MAP3K21: variants seen among roughly 807,000 people sequenced by gnomAD.
MAP3K21 encodes mitogen-activated protein kinase kinase kinase 21, also known as mitogen-activated protein kinase kinase kinase MLK4.
In MAP3K21, 63 loss-of-function variants were observed where a neutral mutation model predicts 86.1. That is an observed-to-expected ratio of 0.73 (90% CI 0.60 to 0.90). MAP3K21 has a LOEUF of 0.90. Among genes scored for constraint, MAP3K21 ranks in the 40% least tolerant of loss-of-function variants. The pLI, the probability that MAP3K21 is intolerant of heterozygous loss-of-function variation, is 0.00. For missense variants in MAP3K21, 1,220 were observed against 1,367.7 expected, an observed-to-expected ratio of 0.89 and a Z score of 1.70; for synonymous variants, 558 against 564.8, an observed-to-expected ratio of 0.99 and a Z score of 0.17.
intron 3 of MAP3K21, 43 bp from the exon 4 acceptor site, chr1:233,354,791 AAC>A (rs759126254): frequency 2.0e-5 from 29 of 1,429,488 alleles, no homozygotes; most frequent in East Asian, 2.5e-5. Context: ...AGCAACTCTA[AAC>A]TGCGTTGAGA....
chr1:233,351,867 T>C (rs1663258806), intron 2 of MAP3K21, among the ~76,000 whole-genome samples: 2 of 152,182 alleles, frequency 1.3e-5, no homozygotes, highest in Admixed American at 1.3e-4. Flanking sequence ...CAAATATGAC[T>C]GTTCCTTTTA....
At chr1:233,371,597 T>C (rs1663681200) in intron 5 of MAP3K21, among the ~76,000 whole-genome samples, 1 of 152,194 alleles carries the variant, frequency 6.6e-6, no homozygotes, top group South Asian at 2.1e-4. Flanking sequence ...TAGCCTCAAG[T>C]GATCTGCCCA....
At chr1:233,339,341 CCCT>C (rs1558451078) in intron 1 of MAP3K21, among the ~76,000 whole-genome samples, 71 of 108,230 alleles carry the variant, frequency 6.6e-4, no homozygotes, top group Non-Finnish European at 7.6e-4. Flanking sequence ...CTCTTCTTCT[CCCT>C]CTTCTCCCTC....
Position 233,379,159 on chromosome 1 carries a change from A to G in MAP3K21, c.2153A>G (p.Lys718Arg). ...NSLSRSPQRKKTESALYGCTV... is the reference protein window; with the variant it reads ...NSLSRSPQRKRTESALYGCTV... ...CTGAGTAGATCCCCCCAGAGAAAGA[A>G]AACGGAGTCAGCTCTGTATGGGTGC... Residue 718 changes from lysine (K) to arginine (R), a missense_variant, in exon 9 of 10, where the codon AAA becomes AGA. Physicochemically the swap from Lys to Arg is conservative, Grantham distance 26. Around this residue, in one of 5 missense-constraint regions of MAP3K21, gnomAD observed 632 missense variants for 691.3 expected, o/e 0.91. Coordinates refer to ENST00000366624, the MANE Select transcript of MAP3K21 (RefSeq NM_032435.3). The G allele has an allele frequency of 6.2e-7, 1 of 1,614,240 alleles. No homozygotes were observed. The highest frequency in any genetic ancestry group is 8.5e-7 in the Non-Finnish European group (1 of 1,180,036).
chr1:233,375,310 A>G lies in MAP3K21; in HGVS notation c.1676-606A>G, dbSNP rs1663771844. On this transcript the variant is annotated intron_variant, in intron 6 of 9. Transcript: ENST00000366624. ...AAGTGTTTAGCAAAATGTGGATATT[A>G]AAGAGGAATATACATCGTCCTGTGA... 2.6e-5 allele frequency among the ~76,000 whole-genome samples: 4 copies of G among 152,168 alleles called. No individual in the cohort carries two copies. In the South Asian group the frequency reaches 8.3e-4, roughly 31 times the overall value.
At chr1:233,372,546 T>G (rs1303015193) in intron 6 of MAP3K21, 8 of 234,880 alleles carry the variant, frequency 3.4e-5, no homozygotes, top group Non-Finnish European at 4.9e-5. Flanking sequence ...GTTTCTTTCT[T>G]TGTTTCGTGA....
rs1398470645 is a variant in MAP3K21 at position 233,378,159 on chromosome 1, A to G, written c.1925-772A>G. Among the ~76,000 whole-genome samples the G allele has an allele frequency of 3.9e-5, 6 of 152,222 alleles. 1 individual carries two copies. Among genetic ancestry groups the G allele is most frequent in the Admixed American group, 3.9e-4 (6 of 15,286 alleles). On this transcript the variant is annotated intron_variant, in intron 8 of 9. Transcript: ENST00000366624. The stretch of plus-strand genomic sequence containing the variant: ...AGCATGTTTAGGTATACTAGGATGT[A>G]GTGTTGGAAAAAATTAGAGATGTTA...
chr1:233,333,070 T>C (rs534975758), intron 1 of MAP3K21, among the ~76,000 whole-genome samples: 10 of 152,340 alleles, frequency 6.6e-5, no homozygotes, highest in African/African-American at 2.4e-4. Flanking sequence ...AAAAGGAATA[T>C]AAATTTTGTT....
intron 2 of MAP3K21, among the ~76,000 whole-genome samples, chr1:233,351,981 C>G (rs571859769): frequency 2.5e-4 from 38 of 152,224 alleles, no homozygotes; most frequent in African/African-American, 8.4e-4. Context: ...CTCATCCACA[C>G]GGGCCCAAGT....
chr1:233,356,567 T>C (rs1381511419), intron 4 of MAP3K21, among the ~76,000 whole-genome samples: 5 of 152,216 alleles, frequency 3.3e-5, no homozygotes, highest in Non-Finnish European at 7.3e-5. Context: ...TAGAGGCATA[T>C]GACTCAGCTG....
chr1:233,361,985 A>G, intron 4 of MAP3K21, 68 bp from the exon 5 acceptor site: 3 of 1,556,934 alleles, frequency 1.9e-6, no homozygotes, highest in Non-Finnish European at 2.6e-6. Context: ...TCGCCAGTGT[A>G]GTGTAATAGA....
At chr1:233,333,652 G>A (rs1662854798) in intron 1 of MAP3K21, among the ~76,000 whole-genome samples, 1 of 152,028 alleles carries the variant, frequency 6.6e-6, no homozygotes, top group Non-Finnish European at 1.5e-5. Flanking sequence ...GGTATAGCTA[G>A]TTAGTTCTGA....
chr1:233,361,242 T>C lies in MAP3K21; in HGVS notation c.1312-811T>C, dbSNP rs577064665. Among the ~76,000 whole-genome samples the C allele has an allele frequency of 3.9e-5, 6 of 152,364 alleles. No homozygotes were observed. The East Asian group carries it at 1.2e-3, about 29-fold the overall frequency. On this transcript the variant is annotated intron_variant, in intron 4 of 9. Transcript: ENST00000366624. ...AAAAGTATTTTTAATTCTTAGATTT[T>C]CTCTTTCTTAGAAGTTCAGTACTTC...
intron 5 of MAP3K21, among the ~76,000 whole-genome samples, chr1:233,369,188 C>A (rs1462482589): frequency 1.6e-5 from 2 of 127,894 alleles, no homozygotes; most frequent in African/African-American, 6.1e-5. Context: ...CCAGCCTGGG[C>A]AACACGGTGA....
intron 4 of MAP3K21, among the ~76,000 whole-genome samples, chr1:233,360,203 A>T (rs1663440901): frequency 6.6e-6 from 1 of 152,228 alleles, no homozygotes. Flanking sequence ...AGGTGACTGG[A>T]AATTATCCTC....
At chr1:233,363,819 C>A (rs898158699) in intron 5 of MAP3K21, among the ~76,000 whole-genome samples, 7 of 143,846 alleles carry the variant, frequency 4.9e-5, no homozygotes, top group Admixed American at 7.2e-5. Flanking sequence ...CCAGACTGGG[C>A]AACATGATGA....
In MAP3K21 at chr1:233,379,359, G is replaced by A; in HGVS notation, c.2353G>A (p.Gly785Arg). Residue 785 changes from glycine to arginine, a missense_variant, in exon 9 of 10, where the codon GGG becomes AGG. Around this residue, in one of 5 missense-constraint regions of MAP3K21, gnomAD observed 632 missense variants for 691.3 expected, o/e 0.91. Coordinates refer to ENST00000366624, the MANE Select transcript of MAP3K21 (RefSeq NM_032435.3). Reference sequence around the variant, plus strand: ...TCCCACAAGCCTGCCATCCACCTGTGGGGAGGCCAGCAGCCCACCCTCCCT... The same window carrying A: ...TCCCACAAGCCTGCCATCCACCTGTAGGGAGGCCAGCAGCCCACCCTCCCT... ...SPPTSLPSTC[G>R]EASSPPSLPL... The A allele has an allele frequency of 6.2e-7, 1 of 1,614,166 alleles. No homozygotes were observed. Among genetic ancestry groups the A allele is most frequent in the East Asian group, 2.2e-5 (1 of 44,874 alleles).
intron 1 of MAP3K21, among the ~76,000 whole-genome samples, chr1:233,330,201 G>A (rs988660287): frequency 2.6e-5 from 4 of 152,248 alleles, no homozygotes; most frequent in Non-Finnish European, 2.9e-5. Flanking sequence ...TTGTAGCTAA[G>A]CATAAGCATT....
intron 8 of MAP3K21, among the ~76,000 whole-genome samples, chr1:233,378,672 G>A (rs1374843972): frequency 6.6e-6 from 1 of 152,166 alleles, no homozygotes; most frequent in East Asian, 1.9e-4. Context: ...TGAAGCTGAT[G>A]AAGAACAGCT....
Sources: gnomAD v4.1 joint callset for allele counts (sites outside exome capture counted in the v4.1 genomes callset) on GRCh38, gnomAD v4.1.1 for gene constraint, gnomAD v4.1.1 regional missense constraint, MANE v1.5 for transcripts, NCBI Gene and HGNC (gene_info 2026-07-23, HGNC 2026-07-21) for gene names.